CSMD1: variants seen among roughly 807,000 people sequenced by gnomAD.
CSMD1 encodes the protein CUB and Sushi multiple domains 1.
In CSMD1, 213 loss-of-function variants were observed where a neutral mutation model predicts 417.5. The observed-to-expected ratio is 0.51, with a 90% CI of 0.46 to 0.57. The LOEUF is 0.57. Ranked by LOEUF, CSMD1 falls within the 20% of genes least tolerant of loss-of-function variation. The pLI is 0.00. For synonymous variants in CSMD1, 2,862 were observed against 1,736.8 expected, an observed-to-expected ratio of 1.65 and a Z score of -16.11; for missense variants, 6,923 against 4,529.7, an observed-to-expected ratio of 1.53 and a Z score of -15.17.
chr8:4,276,081 G>C (rs1796469837), intron 3 of CSMD1, among the ~76,000 whole-genome samples: 1 of 152,096 alleles, frequency 6.6e-6, no homozygotes, highest in Non-Finnish European at 1.5e-5. Flanking sequence ...TAAGGATCTA[G>C]AACTTGAAAT....
chr8:4,300,655 G>C (rs948605020), intron 3 of CSMD1, among the ~76,000 whole-genome samples: 2 of 152,144 alleles, frequency 1.3e-5, no homozygotes, highest in Non-Finnish European at 2.9e-5. Context: ...TTTAGCATTA[G>C]GTATATCTCC....
At chr8:4,005,271 C>T (rs958291074) in intron 4 of CSMD1, among the ~76,000 whole-genome samples, 7 of 152,206 alleles carry the variant, frequency 4.6e-5, no homozygotes, top group African/African-American at 1.7e-4. Context: ...ATCTACACCC[C>T]AATAACTTAT....
At chr8:3,257,871 G>C (rs940837298) in intron 26 of CSMD1, among the ~76,000 whole-genome samples, 3 of 152,088 alleles carry the variant, frequency 2.0e-5, no homozygotes, top group African/African-American at 7.2e-5. Flanking sequence ...AGTGATCCAG[G>C]GGCCATTGCT....
intron 2 of CSMD1, among the ~76,000 whole-genome samples, chr8:4,552,429 T>C (rs1164769030): frequency 6.6e-6 from 1 of 152,216 alleles, no homozygotes; most frequent in East Asian, 1.9e-4. Flanking sequence ...CCATCTCCTA[T>C]TGGTTCAACA....
intron 3 of CSMD1, among the ~76,000 whole-genome samples, chr8:4,043,476 T>G (rs752039937): frequency 6.6e-6 from 1 of 152,144 alleles, no homozygotes; most frequent in African/African-American, 2.4e-5. Flanking sequence ...CAGTGTTATG[T>G]TGTCTTCAAA....
intron 7 of CSMD1, among the ~76,000 whole-genome samples, chr8:3,633,924 C>A (rs1796907338): frequency 6.6e-6 from 1 of 152,164 alleles, no homozygotes. Flanking sequence ...GCATAAAATA[C>A]ATAAAATATA....
chr8:4,135,913 T>C (rs1212368908), intron 3 of CSMD1, among the ~76,000 whole-genome samples: 1 of 152,212 alleles, frequency 6.6e-6, no homozygotes, highest in African/African-American at 2.4e-5. Flanking sequence ...TTATTTAGCA[T>C]ATGTTAGTTT....
intron 4 of CSMD1, among the ~76,000 whole-genome samples, chr8:4,006,646 C>A (rs1357240578): frequency 1.3e-5 from 2 of 152,150 alleles, no homozygotes; most frequent in Non-Finnish European, 2.9e-5. Flanking sequence ...AGAGAGGGAA[C>A]AGCACTTGTT....
chr8:4,351,171 G>A (rs988501949), intron 3 of CSMD1, among the ~76,000 whole-genome samples: 7 of 151,758 alleles, frequency 4.6e-5, no homozygotes, highest in Non-Finnish European at 8.8e-5. Flanking sequence ...AAAAAAATTA[G>A]GGAAAGAACA....
intron 17 of CSMD1, among the ~76,000 whole-genome samples, chr8:3,395,303 C>T (rs964745512): frequency 6.6e-6 from 1 of 152,132 alleles, no homozygotes; most frequent in African/African-American, 2.4e-5. Flanking sequence ...ATAGTAATTG[C>T]CACTTTTTCT....
chr8:4,188,538 T>C (rs1798818099), intron 3 of CSMD1, among the ~76,000 whole-genome samples: 1 of 152,112 alleles, frequency 6.6e-6, no homozygotes, highest in Non-Finnish European at 1.5e-5. Flanking sequence ...TGAGGCTGTC[T>C]TTAGGAATTC....
chr8:4,326,706 GT>G (rs1443631865), intron 3 of CSMD1, among the ~76,000 whole-genome samples: 1 of 152,112 alleles, frequency 6.6e-6, no homozygotes, highest in Non-Finnish European at 1.5e-5. Context: ...GAAACATTCC[GT>G]TTGGGTAACA....
At chr8:4,012,926 C>G (rs1223419287) in intron 4 of CSMD1, among the ~76,000 whole-genome samples, 1 of 152,170 alleles carries the variant, frequency 6.6e-6, no homozygotes, top group Non-Finnish European at 1.5e-5. Context: ...CTTCTTTAAA[C>G]AGCATTCTGA....
At chr8:4,350,686 A>C (rs774633773) in intron 3 of CSMD1, among the ~76,000 whole-genome samples, 2 of 152,224 alleles carry the variant, frequency 1.3e-5, no homozygotes, top group African/African-American at 4.8e-5. Context: ...ATTTTTCATC[A>C]CTGATGTCAA....
chr8:3,770,099 T>A (rs895197005), intron 5 of CSMD1, among the ~76,000 whole-genome samples: 3 of 152,214 alleles, frequency 2.0e-5, no homozygotes, highest in Admixed American at 2.0e-4. Context: ...CTTCTTTCCA[T>A]CAGAGCGATT....
chr8:4,262,715 A>C (rs1803972844), intron 3 of CSMD1, among the ~76,000 whole-genome samples: 3 of 152,126 alleles, frequency 2.0e-5, no homozygotes, highest in African/African-American at 7.2e-5. Flanking sequence ...TCAGGTCCCA[A>C]AATCCACTTC....
At chr8:3,821,707 A>G (rs1408539141) in intron 5 of CSMD1, among the ~76,000 whole-genome samples, 1 of 152,152 alleles carries the variant, frequency 6.6e-6, no homozygotes, top group Non-Finnish European at 1.5e-5. Flanking sequence ...GCTTGAACCC[A>G]GGAGCGGGAG....
At chr8:3,570,092 T>G (rs967440025) in intron 10 of CSMD1, among the ~76,000 whole-genome samples, 2 of 152,206 alleles carry the variant, frequency 1.3e-5, no homozygotes, top group African/African-American at 4.8e-5. Flanking sequence ...GCTGCCTAAA[T>G]TCATTACTGG....
intron 5 of CSMD1, among the ~76,000 whole-genome samples, chr8:3,793,871 G>A (rs1439248042): frequency 2.0e-5 from 3 of 152,120 alleles, no homozygotes; most frequent in Non-Finnish European, 2.9e-5. Context: ...GAGTGTCGCT[G>A]ATGGACCATT....
Sources: allele counts gnomAD v4.1 joint callset (sites outside exome capture counted in the v4.1 genomes callset), GRCh38; gene constraint gnomAD v4.1.1; transcripts MANE v1.5; gene names NCBI Gene and HGNC (gene_info 2026-07-23, HGNC 2026-07-21).